The following CHRM2 variants were observed in gnomAD, a reference collection of about 807,000 sequenced individuals.
CHRM2 encodes cholinergic receptor muscarinic 2, also known as muscarinic acetylcholine receptor M2.
In CHRM2, 8 loss-of-function variants were observed where a neutral mutation model predicts 25.0. The observed-to-expected ratio is 0.32, with a 90% CI of 0.19 to 0.58. The LOEUF (loss-of-function observed/expected upper bound fraction) is 0.58, where lower values mean the gene tolerates loss of function less well. CHRM2 is among the 20% of genes least tolerant of loss of function. The pLI, the probability that CHRM2 is intolerant of heterozygous loss-of-function variation, is 0.88. For synonymous variants in CHRM2, 202 were observed against 205.7 expected (o/e 0.98, Z 0.15); for missense variants, 440 against 567.1 (o/e 0.78, Z 2.28).
chr7:137,004,947 C>T lies in CHRM2; in HGVS notation c.-46-9873C>T, dbSNP rs1026896708. Among the ~76,000 whole-genome samples, 11 of 152,130 alleles carry T rather than the reference C, an allele frequency of 7.2e-5. No homozygotes were observed. In the East Asian group the frequency reaches 1.7e-3, roughly 24 times the overall value. ...AATCATTTTGTCTTTCGACTGGAAACAATAAAAATAGTTGCTTCCCATTAC... is the reference window on the plus strand; with the variant it reads ...AATCATTTTGTCTTTCGACTGGAAATAATAAAAATAGTTGCTTCCCATTAC... On this transcript the variant is annotated intron_variant, in intron 3 of 3. Transcript: ENST00000680005.
intron 2 of CHRM2, among the ~76,000 whole-genome samples, chr7:136,939,422 C>T (rs1004936898): frequency 3.3e-5 from 5 of 152,102 alleles, no homozygotes; most frequent in Non-Finnish European, 7.4e-5. Context: ...ACCTCTTAAG[C>T]GTCAGTGTTT....
At chr7:136,919,589 C>A (rs1447449814) in intron 2 of CHRM2, among the ~76,000 whole-genome samples, 1 of 152,034 alleles carries the variant, frequency 6.6e-6, no homozygotes, top group Non-Finnish European at 1.5e-5. Flanking sequence ...CATGTTTCTA[C>A]TTACCACTCC....
intron 2 of CHRM2, among the ~76,000 whole-genome samples, chr7:136,911,597 C>T (rs945939743): frequency 2.6e-5 from 4 of 151,958 alleles, no homozygotes; most frequent in African/African-American, 9.7e-5. Context: ...CACCAAGTGG[C>T]AATGACTGCA....
chr7:136,954,367 G>A (rs1365932490), intron 2 of CHRM2, among the ~76,000 whole-genome samples: 1 of 152,094 alleles, frequency 6.6e-6, no homozygotes, highest in Non-Finnish European at 1.5e-5. Context: ...CTCTCCACAT[G>A]TTATCCTCAT....
intron 2 of CHRM2, among the ~76,000 whole-genome samples, chr7:136,915,639 T>A (rs1193894125): frequency 6.6e-6 from 1 of 151,800 alleles, no homozygotes; most frequent in Non-Finnish European, 1.5e-5. Flanking sequence ...CAATGCCTAC[T>A]CACAATTACT....
At chr7:136,919,446 A>T (rs1798302064) in intron 2 of CHRM2, among the ~76,000 whole-genome samples, 1 of 152,180 alleles carries the variant, frequency 6.6e-6, no homozygotes, top group Non-Finnish European at 1.5e-5. Flanking sequence ...GAAATCTCAC[A>T]TTCATAGTTA....
At chr7:136,945,233 AT>A (rs1800004410) in intron 2 of CHRM2, among the ~76,000 whole-genome samples, 1 of 152,172 alleles carries the variant, frequency 6.6e-6, no homozygotes, top group South Asian at 2.1e-4. Context: ...TTTTAGTTTA[AT>A]TAAGTCCAAT....
intron 2 of CHRM2, among the ~76,000 whole-genome samples, chr7:136,934,179 G>C (rs1333081492): frequency 2.0e-5 from 3 of 151,994 alleles, no homozygotes; most frequent in Non-Finnish European, 4.4e-5. Context: ...TTCTCCTATG[G>C]AATTTTATAT....
At chr7:136,984,157 G>C (rs147214154) in intron 2 of CHRM2, among the ~76,000 whole-genome samples, 5 of 152,298 alleles carry the variant, frequency 3.3e-5, no homozygotes, top group African/African-American at 1.2e-4. Flanking sequence ...GGAATCTAGA[G>C]AGGCAGTCTG....
intron 2 of CHRM2, among the ~76,000 whole-genome samples, chr7:136,925,537 C>G (rs1227822930): frequency 7.1e-6 from 1 of 141,202 alleles, no homozygotes; most frequent in Non-Finnish European, 1.6e-5. Context: ...AAACTATAAA[C>G]AGCTTTTTTT....
intron 2 of CHRM2, among the ~76,000 whole-genome samples, chr7:136,919,546 G>A (rs1198296590): frequency 6.6e-6 from 1 of 151,882 alleles, no homozygotes; most frequent in East Asian, 1.9e-4. Flanking sequence ...TTACCTATAG[G>A]ATAAGTCCAT....
chr7:136,891,208 A>C (rs1337207436), intron 2 of CHRM2, among the ~76,000 whole-genome samples: 1 of 152,210 alleles, frequency 6.6e-6, no homozygotes, highest in Admixed American at 6.5e-5. Context: ...AACTTTAATC[A>C]GATTTCCTTA....
intron 2 of CHRM2, chr7:136,903,083 C>T: frequency 1.9e-6 from 1 of 522,814 alleles, no homozygotes; most frequent in Non-Finnish European, 3.9e-6. Context: ...AGAAGACAAA[C>T]AACAGAAACT....
At chr7:136,883,029 A>C (rs62485224) in intron 2 of CHRM2, among the ~76,000 whole-genome samples, 12 of 152,190 alleles carry the variant, frequency 7.9e-5, no homozygotes, top group Non-Finnish European at 1.2e-4. Flanking sequence ...ATTCTGGATA[A>C]TTTGCCATGC....
intron 2 of CHRM2, chr7:136,870,425 A>G (rs2130440739): frequency 6.6e-6 from 1 of 152,536 alleles, no homozygotes; most frequent in East Asian, 1.9e-4. Context: ...GTAGAGACTC[A>G]TCTGGGAGAG....
intron 2 of CHRM2, among the ~76,000 whole-genome samples, chr7:136,985,022 T>C (rs1194097899): frequency 1.3e-5 from 2 of 152,104 alleles, no homozygotes; most frequent in African/African-American, 2.4e-5. Flanking sequence ...ACAGAAAGTT[T>C]GTTTAACAAT....
rs1805098125 is a variant in CHRM2, at chr7:137,015,327, C to T, written c.462C>T (p.Leu154=). The change falls in exon 4 of 4, where the codon CTC becomes CTT. Residue 154 remains leucine, a synonymous_variant. Coordinates refer to ENST00000680005, the MANE Select transcript of CHRM2 (RefSeq NM_001006630.2). This position sits in a 1 kb window ranked among gnomAD's most constrained non-coding sequence, Gnocchi z 5.1. The stretch of plus-strand genomic sequence containing the variant: ...CTGCCTGGGTCCTCTCTTTCATCCT[C>T]TGGGCTCCAGCCATTCTCTTCTGGC... ...IAAAWVLSFI[L]WAPAILFWQF... 1 of 1,613,292 alleles carries T rather than the reference C, an allele frequency of 6.2e-7. No homozygotes were observed. The highest frequency in any genetic ancestry group is 1.3e-5 in the African/African-American group (1 of 74,858).
At chr7:136,992,091 G>A (rs1404856637) in intron 2 of CHRM2, 96 bp from the exon 3 acceptor site, 4 of 152,048 alleles carry the variant, frequency 2.6e-5, no homozygotes, top group Non-Finnish European at 5.9e-5. Flanking sequence ...TCCAGTTTAG[G>A]ATCTGTCCTT....
At chr7:136,935,213 CAG>C (rs1799342421) in intron 2 of CHRM2, among the ~76,000 whole-genome samples, 1 of 87,136 alleles carries the variant, frequency 1.1e-5, no homozygotes, top group Non-Finnish European at 2.7e-5. Flanking sequence ...TACTCCTGTT[CAG>C]GGGGGTAAAC....
Sources: gnomAD v4.1 joint callset for allele counts (sites outside exome capture counted in the v4.1 genomes callset) on GRCh38, gnomAD v4.1.1 for gene constraint, Gnocchi (gnomAD v3.1) non-coding constraint, MANE v1.5 for transcripts, NCBI Gene and HGNC (gene_info 2026-07-23, HGNC 2026-07-21) for gene names.